UGT2B17: variants seen among roughly 807,000 people sequenced by gnomAD.
UGT2B17 encodes UDP glucuronosyltransferase family 2 member B17.
Under a neutral mutation model 48.2 loss-of-function variants are expected in UGT2B17, and 21 were observed. That is an observed-to-expected ratio of 0.44 (90% CI 0.31 to 0.63). UGT2B17 has a LOEUF of 0.63. Ranked by LOEUF, UGT2B17 falls within the 20% of genes least tolerant of loss-of-function variation. The pLI is 0.08. For synonymous variants in UGT2B17, 146 were observed against 238.4 expected (o/e 0.61, Z 3.57); for missense variants, 402 against 696.1 (o/e 0.58, Z 4.75).
rs1217863017 is a variant in UGT2B17, at chr4:68,548,148, C to T, written c.1313+2529G>A. Among the ~76,000 whole-genome samples, 2 of 126,460 alleles carry T rather than the reference C, an allele frequency of 1.6e-5. 1 individual carries two copies. Among genetic ancestry groups the T allele is most frequent in the African/African-American group, 5.4e-5 (2 of 36,990 alleles). 83.0% of individuals were successfully genotyped at this position (126,460 alleles called of 152,430 possible). ...CAAGTATGTTTATGGAGGCACTATTCACAATAGCAAAGACTTGGAACCAAC... is the reference window on the plus strand; with the variant it reads ...CAAGTATGTTTATGGAGGCACTATTTACAATAGCAAAGACTTGGAACCAAC... On this transcript the variant is annotated intron_variant, in intron 6 of 6. Coordinates refer to ENST00000317746, the MANE Select transcript of UGT2B17 (RefSeq NM_001077.4).
In UGT2B17 at chr4:68,569,533, G is replaced by A. The variant is rs547216823; in HGVS notation, c.-64-985C>T. The stretch of plus-strand genomic sequence containing the variant: ...GTGATCCTTTAGGAGGGTGGCCAGC[G>A]GAGCAGGGGGTTCAAAGATTCTTCT... On this transcript the variant is annotated intron_variant, in intron 1 of 6. Coordinates refer to ENST00000317746, the MANE Select transcript of UGT2B17 (RefSeq NM_001077.4). 7.3e-4 allele frequency among the ~76,000 whole-genome samples: 91 copies of A among 125,450 alleles called. 28 individuals are homozygous for A. In the South Asian group the frequency reaches 0.012, roughly 16 times the overall value. The allele number at this position is 125,450 out of a possible 152,430, so 82.3% of individuals were successfully genotyped here. A position where few individuals can be genotyped will look rare whatever the true frequency, so the allele number is the denominator to read the frequency against.
intron 4 of UGT2B17, among the ~76,000 whole-genome samples, chr4:68,554,576 C>A (rs1179599597): frequency 8.0e-6 from 1 of 124,900 alleles, no homozygotes; most frequent in African/African-American, 2.7e-5. Flanking sequence ...GAAGTAAAAA[C>A]CACATAATCT....
chr4:68,552,796 C>G (rs1465024212), intron 4 of UGT2B17, among the ~76,000 whole-genome samples: 1 of 125,424 alleles, frequency 8.0e-6, no homozygotes, highest in Admixed American at 8.2e-5. Context: ...AAAATTCAGT[C>G]AAGACCAAAA....
chr4:68,576,008 G>A lies in UGT2B17; in HGVS notation c.-122C>T, dbSNP rs1312810140. Among the ~76,000 whole-genome samples the A allele has an allele frequency of 1.6e-5, 2 of 126,568 alleles. No homozygotes were observed. Among genetic ancestry groups the A allele is most frequent in the Admixed American group, 8.0e-5 (1 of 12,478 alleles). 83.0% of individuals were successfully genotyped at this position (126,568 alleles called of 152,430 possible). On this transcript the variant is annotated 5_prime_UTR_variant, in exon 1 of 7. Transcript: ENST00000317746. ...TTCCTTCCCGGTGTTCAGCCACTGT[G>A]TTAATCCTCCACGGGGGCCTGCTAC...
At chr4:68,538,993 T>C (rs1313525085) in intron 6 of UGT2B17, among the ~76,000 whole-genome samples, 1 of 126,256 alleles carries the variant, frequency 7.9e-6, no homozygotes, top group Non-Finnish European at 1.7e-5. Context: ...AGTGTTTTCC[T>C]GGCCACACTA....
rs1731174109 is a variant in UGT2B17 at position 68,565,139 on chromosome 4, C to T, written c.873+433G>A. 1.6e-5 allele frequency among the ~76,000 whole-genome samples: 2 copies of T among 125,832 alleles called. 1 individual carries two copies. Among genetic ancestry groups the T allele is most frequent in the Non-Finnish European group, 3.4e-5 (2 of 59,440 alleles). The allele number at this position is 125,832 out of a possible 152,430, so 82.6% of individuals were successfully genotyped here. A position where few individuals can be genotyped will look rare whatever the true frequency, so the allele number is the denominator to read the frequency against. ...TATTTCTTTATCATTGTGGTCTTTCCTTATAACACTTTTTAGACTTTTCTT... is the reference window on the plus strand; with the variant it reads ...TATTTCTTTATCATTGTGGTCTTTCTTTATAACACTTTTTAGACTTTTCTT... On this transcript the variant is annotated intron_variant, in intron 3 of 6. Transcript: ENST00000317746.
chr4:68,542,251 A>C lies in UGT2B17; in HGVS notation c.1314-4347T>G, dbSNP rs1327075947. On this transcript the variant is annotated intron_variant, in intron 6 of 6. Coordinates refer to ENST00000317746, the MANE Select transcript of UGT2B17 (RefSeq NM_001077.4). Reference sequence around the variant, plus strand: ...AATACATCTTTTTGGTACCAGTACCATTCTGTTTTGGTTATGTAGCCTAAT... The same window carrying C: ...AATACATCTTTTTGGTACCAGTACCCTTCTGTTTTGGTTATGTAGCCTAAT... Among the ~76,000 whole-genome samples, 4 of 126,444 alleles carry C rather than the reference A, an allele frequency of 3.2e-5. 2 individuals carry two copies. The highest frequency in any genetic ancestry group is 6.7e-5 in the Non-Finnish European group (4 of 59,662). 83.0% of individuals were successfully genotyped at this position (126,444 alleles called of 152,430 possible).
intron 6 of UGT2B17, among the ~76,000 whole-genome samples, chr4:68,549,427 A>G (rs1730876936): frequency 8.0e-6 from 1 of 125,318 alleles, no homozygotes; most frequent in Non-Finnish European, 1.7e-5. Flanking sequence ...AGTATCTATA[A>G]CATATTAATA....
chr4:68,553,475 G>A lies in UGT2B17; in HGVS notation c.1006-1564C>T, dbSNP rs1226673866. 4.7e-5 allele frequency among the ~76,000 whole-genome samples: 6 copies of A among 126,484 alleles called. 1 individual carries two copies. The highest frequency in any genetic ancestry group is 7.5e-4 in the South Asian group (2 of 2,680). 83.0% of individuals were successfully genotyped at this position (126,484 alleles called of 152,430 possible). On this transcript the variant is annotated intron_variant, in intron 4 of 6. Coordinates refer to ENST00000317746, the MANE Select transcript of UGT2B17 (RefSeq NM_001077.4). ...GAACAAAGGCACCACTCACCCCTTT[G>A]GGGGTGCTCTGTTTTCTTTGTGGAG...
At chr4:68,544,299 T>C (rs907676674) in intron 6 of UGT2B17, among the ~76,000 whole-genome samples, 2 of 126,310 alleles carry the variant, frequency 1.6e-5, no homozygotes, top group African/African-American at 2.7e-5. Flanking sequence ...AAGAAAAGAA[T>C]CTTCAACCCA....
intron 1 of UGT2B17, among the ~76,000 whole-genome samples, chr4:68,572,595 G>A (rs538907153): frequency 0.015 from 1,884 of 126,402 alleles, 393 homozygotes; most frequent in African/African-American, 0.049. Context: ...CGTGATCATG[G>A]AAGGCAATTA....
In UGT2B17 at chr4:68,538,263, C is replaced by G. The variant is rs757283869; in HGVS notation, c.1314-359G>C. 4.1e-5 allele frequency among the ~76,000 whole-genome samples: 5 copies of G among 123,282 alleles called. 2 individuals carry two copies. Among genetic ancestry groups the G allele is most frequent in the Non-Finnish European group, 5.1e-5 (3 of 58,842 alleles). The allele number at this position is 123,282 out of a possible 152,430, so 80.9% of individuals were successfully genotyped here. ...TAGTTTTTTTTTTTTTTGAGACAGG[C>G]TTTTGCTCCATTACACAGGCTGAGT... On this transcript the variant is annotated intron_variant, in intron 6 of 6. Transcript: ENST00000317746.
Position 68,560,975 on chromosome 4 carries a change from T to C in UGT2B17, c.874-307A>G, listed in dbSNP as rs569242248. 2.5e-4 allele frequency among the ~76,000 whole-genome samples: 31 copies of C among 125,516 alleles called. 9 individuals carry two copies. The South Asian group carries it at 6.0e-3, about 24-fold the overall frequency. 82.3% of individuals were successfully genotyped at this position (125,516 alleles called of 152,430 possible). On this transcript the variant is annotated intron_variant, in intron 3 of 6. Transcript: ENST00000317746. ...TAGAAAATATTACACCCAGACACTTTATTTATAATATTATAATTACTAACA... is the reference window on the plus strand; with the variant it reads ...TAGAAAATATTACACCCAGACACTTCATTTATAATATTATAATTACTAACA...
chr4:68,572,972 A>G (rs183374872), intron 1 of UGT2B17, among the ~76,000 whole-genome samples: 1 of 127,108 alleles, frequency 7.9e-6, no homozygotes, highest in African/African-American at 2.7e-5. Context: ...TAATAGGAGT[A>G]AGATAGTGAG....
rs1459986810 is a variant in UGT2B17, at chr4:68,562,863, G to T, written c.874-2195C>A. On this transcript the variant is annotated intron_variant, in intron 3 of 6. Coordinates refer to ENST00000317746, the MANE Select transcript of UGT2B17 (RefSeq NM_001077.4). ...TATCCTACAAAAAAATTGTGATCTT[G>T]TTCTACTCATCATTCTGTTCCTTAG... is the stretch of plus-strand genomic sequence containing the variant. 1.6e-5 allele frequency among the ~76,000 whole-genome samples: 2 copies of T among 125,538 alleles called. 1 individual carries two copies. Among genetic ancestry groups the T allele is most frequent in the African/African-American group, 5.4e-5 (2 of 36,762 alleles). 82.4% of individuals were successfully genotyped at this position (125,538 alleles called of 152,430 possible).
chr4:68,555,090 T>C lies in UGT2B17; in HGVS notation c.1006-3179A>G, dbSNP rs748264718. Reference sequence around the variant, plus strand: ...TTTATGTAACTTAAATAAAATCTTTTATAAATAAGATAACAACAATTATTG... The same window carrying C: ...TTTATGTAACTTAAATAAAATCTTTCATAAATAAGATAACAACAATTATTG... On this transcript the variant is annotated intron_variant, in intron 4 of 6. Transcript: ENST00000317746. Among the ~76,000 whole-genome samples the C allele has an allele frequency of 5.5e-5, 7 of 126,586 alleles. 2 individuals are homozygous for C. The highest frequency in any genetic ancestry group is 8.4e-5 in the Non-Finnish European group (5 of 59,544). The allele number at this position is 126,586 out of a possible 152,430, so 83.0% of individuals were successfully genotyped here.
chr4:68,544,415 GGCCT>G lies in UGT2B17; in HGVS notation c.1313+6258_1313+6261del, dbSNP rs1463095659. ...ATGCTGAGAGATTTTGTCACCACCA[GGCCT>G]GCCCTAAAAGAGCTCCTGAAGGAAG... On this transcript the variant is annotated intron_variant, in intron 6 of 6. Coordinates refer to ENST00000317746, the MANE Select transcript of UGT2B17 (RefSeq NM_001077.4). Among the ~76,000 whole-genome samples, 3 of 125,446 alleles carry G rather than the reference GGCCT, an allele frequency of 2.4e-5. 1 individual carries two copies. The highest frequency in any genetic ancestry group is 8.2e-5 in the African/African-American group (3 of 36,704). 82.3% of individuals were successfully genotyped at this position (125,446 alleles called of 152,430 possible).
intron 1 of UGT2B17, among the ~76,000 whole-genome samples, chr4:68,573,394 A>T (rs1343401903): frequency 8.0e-6 from 1 of 124,730 alleles, no homozygotes; most frequent in Non-Finnish European, 1.7e-5. Flanking sequence ...TTAACTCATG[A>T]AAAGCTCTTT....
rs1194076931 is a variant in UGT2B17, at chr4:68,547,523, T to G, written c.1313+3154A>C. Among the ~76,000 whole-genome samples, 6 of 123,812 alleles carry G rather than the reference T, an allele frequency of 4.8e-5. 1 individual carries two copies. Among genetic ancestry groups the G allele is most frequent in the African/African-American group, 1.7e-4 (6 of 36,282 alleles). The allele number at this position is 123,812 out of a possible 152,430, so 81.2% of individuals were successfully genotyped here. On this transcript the variant is annotated intron_variant, in intron 6 of 6. Transcript: ENST00000317746. ...TCAGGACATAGGCATGGGCAAGGACTTCATGACTAAAACACCAAAAGCAAT... is the reference window on the plus strand; with the variant it reads ...TCAGGACATAGGCATGGGCAAGGACGTCATGACTAAAACACCAAAAGCAAT...
Sources: gnomAD v4.1 joint callset for allele counts (sites outside exome capture counted in the v4.1 genomes callset) on GRCh38, gnomAD v4.1.1 for gene constraint, MANE v1.5 for transcripts, NCBI Gene and HGNC (gene_info 2026-07-23, HGNC 2026-07-21) for gene names.